The following BRWD3 variants were observed in gnomAD, a reference collection of about 807,000 sequenced individuals.
The protein encoded by BRWD3 is bromodomain and WD repeat-containing protein 3.
In BRWD3, 10 loss-of-function variants were observed where a neutral mutation model predicts 149.7. The ratio of observed to expected loss-of-function variants is 0.07; its 90% confidence interval spans 0.04 to 0.11. The LOEUF (loss-of-function observed/expected upper bound fraction) is 0.11. Among genes scored for constraint, BRWD3 ranks in the 10% least tolerant of loss-of-function variants. BRWD3 has a pLI of 1.00. For missense variants in BRWD3, 940 were observed against 1,373.2 expected (o/e 0.68, Z 4.99); for synonymous variants, 504 against 456.7 (o/e 1.10, Z -1.32).
chrX:80,754,345 C>T (rs773569356), intron 6 of BRWD3, among the ~76,000 whole-genome samples: 1 of 111,717 alleles, frequency 9.0e-6, no homozygotes, highest in Non-Finnish European at 1.9e-5. Context: ...AATTTTTGTA[C>T]TTTGATTTTG....
chrX:80,723,707 A>G, intron 16 of BRWD3, 41 bp downstream of exon 16: 1 of 1,200,151 alleles, frequency 8.3e-7, no homozygotes, highest in Non-Finnish European at 1.1e-6. Flanking sequence ...GAATGACACA[A>G]TCCTAAATTA....
chrX:80,759,469 T>C (rs1048298093), intron 6 of BRWD3, among the ~76,000 whole-genome samples: 1 of 112,208 alleles, frequency 8.9e-6, no homozygotes, highest in Admixed American at 9.5e-5. Flanking sequence ...GGTACTAATC[T>C]ACCTTGCATT....
At chrX:80,806,385 G>A (rs1195560719) in intron 4 of BRWD3, among the ~76,000 whole-genome samples, 1 of 111,519 alleles carries the variant, frequency 9.0e-6, no homozygotes, top group Admixed American at 9.6e-5. Flanking sequence ...TCAACCAGGA[G>A]CTATTGCCAT....
intron 24 of BRWD3, among the ~76,000 whole-genome samples, chrX:80,700,341 A>G (rs1233625610): frequency 4.1e-5 from 4 of 97,772 alleles, no homozygotes; most frequent in African/African-American, 1.5e-4. Flanking sequence ...GAAAATGTAC[A>G]CAAAACTGGT....
In BRWD3 at chrX:80,807,867, G is replaced by T. The variant is rs533510896; in HGVS notation, c.180+672C>A. 1.4e-4 allele frequency among the ~76,000 whole-genome samples: 16 copies of T among 111,580 alleles called. No homozygotes were observed. The South Asian group carries it at 5.2e-3, about 36-fold the overall frequency. ...AGTGAAAACGGGTCTATGCAAATGC[G>T]ACTTAACTGATAATTGAATGAGCTT... On this transcript the variant is annotated intron_variant, in intron 4 of 40. Transcript: ENST00000373275.
chrX:80,763,551 G>C (rs2073825225), intron 6 of BRWD3, among the ~76,000 whole-genome samples: 1 of 111,644 alleles, frequency 9.0e-6, no homozygotes, highest in Non-Finnish European at 1.9e-5. Flanking sequence ...CAAGAAACAA[G>C]AGCAATACAC....
At chrX:80,696,519 TACACACACACACACAC>T (rs560341387) in intron 26 of BRWD3, among the ~76,000 whole-genome samples, 50 of 82,176 alleles carry the variant, frequency 6.1e-4, no homozygotes, top group Non-Finnish European at 9.5e-4. Context: ...ATAACATAAA[TACACACACACACACAC>T]ACACACACAC....
At position 80,728,758 on chromosome X, in the gene BRWD3, T is replaced by C; in HGVS notation, c.1380A>G (p.Thr460=). The stretch of plus-strand genomic sequence containing the variant: ...CTAAAAATAAAATACTTACAGATAA[T>C]GTATGAAGAAGCTGTCCTGTGATAG... ...WNSITGQLLH[T]LSGHDDEVFV... is the part of the protein sequence containing the mutation. Residue 460 remains threonine (T), a synonymous_variant, in exon 14 of 41, where the codon ACA becomes ACG. Transcript: ENST00000373275. 8.3e-7 allele frequency: 1 copy of C among 1,199,579 alleles called. No homozygotes were observed. Among genetic ancestry groups the C allele is most frequent in the Non-Finnish European group, 1.1e-6 (1 of 885,916 alleles).
chrX:80,682,609 C>T lies in BRWD3; in HGVS notation c.4253G>A (p.Arg1418Gln), dbSNP rs1401711800. Residue 1418 changes from arginine (R) to glutamine (Q), a missense_variant, in exon 38 of 41, where the codon CGA (arginine) becomes CAA (glutamine). By Grantham distance (43) the Arg-to-Gln change is conservative. Around this residue, in one of 6 missense-constraint regions of BRWD3, gnomAD observed 349 missense variants for 419.6 expected, o/e 0.83. Transcript: ENST00000373275. ...ATGACTTTCAAATAAGGCAGATAATCGCAGCATCATGCTATAGATCTGAGA... is the reference window on the plus strand; with the variant it reads ...ATGACTTTCAAATAAGGCAGATAATTGCAGCATCATGCTATAGATCTGAGA... ...KKSRIYSMML[R>Q]LSALFESHIK... 4 of 1,206,472 alleles carry T rather than the reference C, an allele frequency of 3.3e-6. No homozygotes were observed. The highest frequency in any genetic ancestry group is 1.8e-5 in the African/African-American group (1 of 57,054).
At chrX:80,756,186 T>C (rs2073734130) in intron 6 of BRWD3, among the ~76,000 whole-genome samples, 1 of 111,121 alleles carries the variant, frequency 9.0e-6, no homozygotes, top group Admixed American at 9.6e-5. Flanking sequence ...TCTCAGTGAT[T>C]GTTAATATAA....
intron 6 of BRWD3, among the ~76,000 whole-genome samples, chrX:80,763,165 A>G (rs1212838993): frequency 1.8e-5 from 2 of 111,343 alleles, no homozygotes; most frequent in Non-Finnish European, 3.8e-5. Flanking sequence ...CTATGAAGTG[A>G]GTACTATTAT....
intron 21 of BRWD3, among the ~76,000 whole-genome samples, chrX:80,709,130 G>A (rs909587429): frequency 8.2e-5 from 9 of 110,275 alleles, no homozygotes; most frequent in African/African-American, 3.0e-4. Flanking sequence ...TTTATATTTC[G>A]CTCCTTTCCA....
intron 6 of BRWD3, among the ~76,000 whole-genome samples, chrX:80,791,055 T>G (rs774811293): frequency 2.4e-4 from 27 of 112,345 alleles, no homozygotes; most frequent in African/African-American, 8.7e-4. Context: ...TGTCTAAATA[T>G]ATCTTAAGAA....
intron 6 of BRWD3, among the ~76,000 whole-genome samples, chrX:80,784,027 TAG>T (rs2074083960): frequency 9.0e-6 from 1 of 111,474 alleles, no homozygotes; most frequent in African/African-American, 3.3e-5. Flanking sequence ...ACAGGGTGAT[TAG>T]AGTCAAGAAT....
Position 80,717,759 on chromosome X carries a change from G to T in BRWD3, c.2045C>A (p.Ala682Asp). 1 of 1,209,468 alleles carries T rather than the reference G, an allele frequency of 8.3e-7. No individual in the cohort carries two copies. The highest frequency in any genetic ancestry group is 1.1e-6 in the Non-Finnish European group (1 of 893,715). The part of the protein sequence containing the change: ...PVNRAYSVNG[A>D]LRSPNMDISS... ...TATGTCCATGTTTGGACTTCTCAGA[G>T]CTAAAACAAAAACAAGGAAAATTAT... The change falls in exon 19 of 41, where the codon GCT becomes GAT. Residue 682 changes from alanine to aspartate, a missense_variant and splice_region_variant. This residue lies in a region of BRWD3 where 103 missense variants were observed against 103.2 expected (regional missense o/e 1.00). Coordinates refer to ENST00000373275, the MANE Select transcript of BRWD3 (RefSeq NM_153252.5).
At chrX:80,678,752 AAAG>A (rs1387759025) in intron 40 of BRWD3, among the ~76,000 whole-genome samples, 1 of 111,540 alleles carries the variant, frequency 9.0e-6, no homozygotes, top group African/African-American at 3.3e-5. Flanking sequence ...GAAGAATTGA[AAAG>A]AAGACTAGGG....
At chrX:80,729,857 T>A (rs1409387741) in intron 13 of BRWD3, 59 bp downstream of exon 13, 4 of 790,924 alleles carry the variant, frequency 5.1e-6, no homozygotes, top group Non-Finnish European at 7.7e-6. Flanking sequence ...ATATTCACTA[T>A]TAAACTCAAT....
chrX:80,763,891 G>A (rs773259793), intron 6 of BRWD3, among the ~76,000 whole-genome samples: 54 of 111,771 alleles, frequency 4.8e-4, no homozygotes, highest in African/African-American at 1.5e-3. Context: ...AATTCACAGG[G>A]AAAGACCCTA....
intron 21 of BRWD3, among the ~76,000 whole-genome samples, chrX:80,707,911 C>T (rs958069397): frequency 2.7e-5 from 3 of 111,303 alleles, no homozygotes; most frequent in African/African-American, 9.8e-5. Flanking sequence ...ATAGATAACC[C>T]GTGTACACAA....
Sources: gnomAD v4.1 joint callset for allele counts (sites outside exome capture counted in the v4.1 genomes callset) on GRCh38, gnomAD v4.1.1 for gene constraint, gnomAD v4.1.1 regional missense constraint, MANE v1.5 for transcripts, NCBI Gene and HGNC (gene_info 2026-07-23, HGNC 2026-07-21) for gene names.